ADAM32: variants seen among roughly 807,000 people sequenced by gnomAD.
ADAM32 encodes the protein disintegrin and metalloproteinase domain-containing protein 32.
Under a neutral mutation model 114.9 loss-of-function variants are expected in ADAM32, and 89 were observed. The ratio of observed to expected loss-of-function variants is 0.77; its 90% confidence interval spans 0.65 to 0.92. The LOEUF (loss-of-function observed/expected upper bound fraction) is 0.92. ADAM32 is among the 40% of genes least tolerant of loss of function. The probability of loss-of-function intolerance (pLI) is 0.00; values close to 1 mark genes in which losing one functional copy is unlikely to be tolerated. For missense variants in ADAM32, 870 were observed against 932.8 expected (o/e 0.93, Z 0.88); for synonymous variants, 285 against 307.5 (o/e 0.93, Z 0.77).
chr8:39,257,391 C>G, intron 19 of ADAM32, 48 bp downstream of exon 19: 1 of 1,599,566 alleles, frequency 6.3e-7, no homozygotes, highest in Non-Finnish European at 8.5e-7. Flanking sequence ...CCATTTGAAT[C>G]TAGTTATATG....
At chr8:39,266,666 T>C (rs532684949) in intron 19 of ADAM32, among the ~76,000 whole-genome samples, 1 of 152,276 alleles carries the variant, frequency 6.6e-6, no homozygotes, top group African/African-American at 2.4e-5. Flanking sequence ...GCCATTTCAG[T>C]CTGGTTAAGA....
At chr8:39,278,784 TA>T (rs1388127915) in intron 22 of ADAM32, among the ~76,000 whole-genome samples, 16 of 152,166 alleles carry the variant, frequency 1.1e-4, no homozygotes, top group African/African-American at 3.9e-4. Context: ...GTTTCCTTTT[TA>T]CAACCCTTTT....
At chr8:39,115,522 T>C (rs1840338374) in intron 1 of ADAM32, among the ~76,000 whole-genome samples, 1 of 152,202 alleles carries the variant, frequency 6.6e-6, no homozygotes, top group African/African-American at 2.4e-5. Flanking sequence ...GTTTTTCATA[T>C]GCTTCTTGGC....
intron 11 of ADAM32, among the ~76,000 whole-genome samples, chr8:39,201,112 T>G (rs910686086): frequency 2.6e-5 from 4 of 152,206 alleles, no homozygotes; most frequent in Non-Finnish European, 5.9e-5. Context: ...TGAGGGCTCT[T>G]TTTTGGTTCC....
chr8:39,135,519 T>C lies in ADAM32; in HGVS notation c.139-1138T>C, dbSNP rs530170390. Among the ~76,000 whole-genome samples the C allele has an allele frequency of 7.2e-5, 11 of 152,350 alleles. 1 individual carries two copies. The South Asian group carries it at 2.1e-3, about 29-fold the overall frequency. On this transcript the variant is annotated intron_variant, in intron 2 of 24. Coordinates refer to ENST00000379907, the MANE Select transcript of ADAM32 (RefSeq NM_145004.7). The stretch of plus-strand genomic sequence containing the variant: ...CTTATATAGCCACATGAATACATTA[T>C]ATTTATTAAATACAAGAAATTAGTA...
chr8:39,121,656 C>G (rs745978426), intron 2 of ADAM32, among the ~76,000 whole-genome samples: 4 of 152,156 alleles, frequency 2.6e-5, no homozygotes, highest in African/African-American at 4.8e-5. Context: ...ATCAGGGCTG[C>G]CACTCCTGCT....
rs1806749683 is a variant in ADAM32, at chr8:39,193,698, G to A, written c.1052+6653G>A. Among the ~76,000 whole-genome samples the A allele has an allele frequency of 2.6e-5, 4 of 152,218 alleles. No individual in the cohort carries two copies. The South Asian group carries it at 8.3e-4, about 32-fold the overall frequency. On this transcript the variant is annotated intron_variant, in intron 11 of 24. Coordinates refer to ENST00000379907, the MANE Select transcript of ADAM32 (RefSeq NM_145004.7). ...TTCTTTTATCATATTTGATGACCTT[G>A]GGGGTTTGATTTTGGTATCAGGTGG...
At chr8:39,259,505 G>A (rs10088174) in intron 19 of ADAM32, among the ~76,000 whole-genome samples, 55,088 of 151,754 alleles carry the variant, frequency 0.36, 12,578 homozygotes, top group African/African-American at 0.65. Flanking sequence ...TTTTCTTTAA[G>A]TTTTAGTATT....
At chr8:39,162,284 G>A (rs1355072179) in intron 7 of ADAM32, among the ~76,000 whole-genome samples, 1 of 151,100 alleles carries the variant, frequency 6.6e-6, no homozygotes, top group East Asian at 2.0e-4. Context: ...CCTTGCGATA[G>A]TTTGCTGAGA....
intron 11 of ADAM32, among the ~76,000 whole-genome samples, chr8:39,207,647 G>A (rs1012243587): frequency 1.3e-5 from 2 of 152,190 alleles, no homozygotes; most frequent in Non-Finnish European, 2.9e-5. Context: ...TAAAATACCA[G>A]AACTTATTCT....
At position 39,270,925 on chromosome 8, in the gene ADAM32, T is replaced by C. The variant is rs771784463; in HGVS notation, c.2201+11T>C. The C allele has an allele frequency of 2.5e-6, 4 of 1,602,572 alleles. No individual in the cohort carries two copies. Among genetic ancestry groups the C allele is most frequent in the African/African-American group, 2.7e-5 (2 of 74,440 alleles). On this transcript the variant is annotated intron_variant, in intron 20 of 24. Coordinates refer to ENST00000379907, the MANE Select transcript of ADAM32 (RefSeq NM_145004.7). ...GACATATGCCAGCCAGTAAGTAGTT[T>C]AGAAGGTGTTTTTAAGATACATGTT...
intron 14 of ADAM32, 76 bp from the exon 15 acceptor site, chr8:39,231,950 GA>G: frequency 8.7e-7 from 1 of 1,143,220 alleles, no homozygotes; most frequent in Admixed American, 2.0e-5. Context: ...GAGATAAAGG[GA>G]ATATTATATG....
chr8:39,195,950 G>A (rs1403072649), intron 11 of ADAM32, among the ~76,000 whole-genome samples: 2 of 152,088 alleles, frequency 1.3e-5, no homozygotes, highest in Non-Finnish European at 2.9e-5. Flanking sequence ...CATGATAACA[G>A]TATTAATTTC....
intron 17 of ADAM32, among the ~76,000 whole-genome samples, chr8:39,248,883 T>C (rs2129450205): frequency 6.6e-6 from 1 of 151,584 alleles, no homozygotes; most frequent in Non-Finnish European, 1.5e-5. Context: ...AGTTTGCTTT[T>C]AAAACACAAA....
intron 16 of ADAM32, among the ~76,000 whole-genome samples, chr8:39,244,166 C>G (rs557589565): frequency 6.6e-6 from 1 of 152,214 alleles, no homozygotes; most frequent in East Asian, 1.9e-4. Context: ...TGGGTAGAAT[C>G]AATATTGTGG....
chr8:39,258,023 A>G (rs905336381), intron 19 of ADAM32, among the ~76,000 whole-genome samples: 8 of 152,072 alleles, frequency 5.3e-5, no homozygotes, highest in Non-Finnish European at 7.4e-5. Flanking sequence ...TACACGTGGC[A>G]TTATCCATAT....
intron 11 of ADAM32, among the ~76,000 whole-genome samples, chr8:39,190,314 T>G (rs1442181441): frequency 6.6e-6 from 1 of 152,254 alleles, no homozygotes; most frequent in Non-Finnish European, 1.5e-5. Flanking sequence ...CTTAGGTTTA[T>G]TCCATGTTTT....
chr8:39,241,969 A>G (rs1409680975), intron 16 of ADAM32, among the ~76,000 whole-genome samples: 1 of 152,208 alleles, frequency 6.6e-6, no homozygotes, highest in East Asian at 1.9e-4. Flanking sequence ...AATGCCTTTA[A>G]TAGCACCCAA....
intron 1 of ADAM32, among the ~76,000 whole-genome samples, chr8:39,112,271 A>C (rs1477245927): frequency 6.6e-6 from 1 of 152,120 alleles, no homozygotes; most frequent in East Asian, 1.9e-4. Context: ...ATATTGTATA[A>C]ATTTATGTAT....
Sources: gnomAD v4.1 joint callset for allele counts (sites outside exome capture counted in the v4.1 genomes callset) on GRCh38, gnomAD v4.1.1 for gene constraint, MANE v1.5 for transcripts, NCBI Gene and HGNC (gene_info 2026-07-23, HGNC 2026-07-21) for gene names.